Variants in PPP1R3A observed in about 807,000 individuals in gnomAD.
The protein encoded by PPP1R3A is RG1.
Under a neutral mutation model 41.7 loss-of-function variants are expected in PPP1R3A, and 29 were observed. The ratio of observed to expected loss-of-function variants is 0.70; its 90% CI spans 0.52 to 0.95. PPP1R3A has a LOEUF of 0.95. Among genes scored for constraint, PPP1R3A ranks in the 40% least tolerant of loss-of-function variants. The pLI is 0.00. For missense variants in PPP1R3A, 1,352 were observed against 1,292.4 expected (o/e 1.05, Z -0.71); for synonymous variants, 485 against 453.4 (o/e 1.07, Z -0.89).
intron 1 of PPP1R3A, among the ~76,000 whole-genome samples, chr7:113,903,043 C>A (rs1263741100): frequency 6.6e-6 from 1 of 151,602 alleles, no homozygotes; most frequent in African/African-American, 2.4e-5. Flanking sequence ...ATATTTTTTT[C>A]TTTAATGTTA....
intron 1 of PPP1R3A, among the ~76,000 whole-genome samples, chr7:113,912,413 A>G (rs1279678612): frequency 6.6e-6 from 1 of 152,084 alleles, no homozygotes; most frequent in Non-Finnish European, 1.5e-5. Context: ...ATATAAGCAT[A>G]CAACACACAC....
chr7:113,882,219 C>A (rs373894609), intron 2 of PPP1R3A, 43 bp downstream of exon 2: 13 of 1,581,296 alleles, frequency 8.2e-6, no homozygotes, highest in African/African-American at 1.4e-5. Flanking sequence ...TAGACTTTCA[C>A]AAAAGAGACA....
At chr7:113,902,099 G>GTCC (rs1797071129) in intron 1 of PPP1R3A, among the ~76,000 whole-genome samples, 1 of 151,658 alleles carries the variant, frequency 6.6e-6, no homozygotes, top group Admixed American at 6.6e-5. Context: ...TGGAATCTCT[G>GTCC]AGAACTCAGT....
chr7:113,911,021 C>G (rs1394953915), intron 1 of PPP1R3A, among the ~76,000 whole-genome samples: 1 of 152,034 alleles, frequency 6.6e-6, no homozygotes, highest in Non-Finnish European at 1.5e-5. Context: ...AAATTCAATT[C>G]ATAGTTGTGA....
chr7:113,900,661 A>G (rs1044775146), intron 1 of PPP1R3A, among the ~76,000 whole-genome samples: 1 of 148,654 alleles, frequency 6.7e-6, no homozygotes, highest in Non-Finnish European at 1.5e-5. Context: ...ATATTTACAT[A>G]TTATATATAG....
chr7:113,879,088 A>T lies in PPP1R3A; in HGVS notation c.2004T>A (p.Asn668Lys). ...VLESQGKSRE[N>K]KTNITEHIKG... is the part of the protein sequence containing the mutation. ...TGATATGCTCTGTTATGTTTGTCTT[A>T]TTCTCTCTTGATTTTCCCTGACTTT... The change falls in exon 4 of 4, where the codon AAT becomes AAA. Residue 668 changes from asparagine to lysine, a missense_variant. Physicochemically the swap from Asn to Lys is moderately conservative, Grantham distance 94. Coordinates refer to ENST00000284601, the MANE Select transcript of PPP1R3A (RefSeq NM_002711.4). 6.2e-7 allele frequency: 1 copy of T among 1,613,708 alleles called. No individual in the cohort carries two copies. The highest frequency in any genetic ancestry group is 1.1e-5 in the South Asian group (1 of 91,074).
At chr7:113,889,702 AAT>A (rs1255559730) in intron 1 of PPP1R3A, among the ~76,000 whole-genome samples, 2 of 152,302 alleles carry the variant, frequency 1.3e-5, no homozygotes, top group African/African-American at 4.8e-5. Flanking sequence ...ATAAGAAATG[AAT>A]GTTTTCCAGG....
chr7:113,902,155 G>A (rs925715536), intron 1 of PPP1R3A, among the ~76,000 whole-genome samples: 5 of 151,602 alleles, frequency 3.3e-5, no homozygotes, highest in Non-Finnish European at 5.9e-5. Context: ...TTAAGAGATG[G>A]AGTCTCACCT....
In PPP1R3A at chr7:113,878,486, A is replaced by G. The variant is rs748479771; in HGVS notation, c.2606T>C (p.Leu869Ser). ...TSKLDLQLGM[L>S]PTDKTVFSEN... ...TGAAAATACAGTTTTGTCTGTTGGT[A>G]ACATTCCCAACTGTAAATCCAGTTT... The change falls in exon 4 of 4, where the codon TTA becomes TCA. Residue 869 changes from leucine to serine, a missense_variant. Leu to Ser is a moderately radical substitution (Grantham distance 145). Coordinates refer to ENST00000284601, the MANE Select transcript of PPP1R3A (RefSeq NM_002711.4). The G allele has an allele frequency of 8.1e-6, 13 of 1,613,178 alleles. No individual in the cohort carries two copies. In the African/African-American group the frequency reaches 1.5e-4, roughly 18 times the overall value.
intron 1 of PPP1R3A, among the ~76,000 whole-genome samples, chr7:113,914,339 A>G (rs1050957667): frequency 9.2e-5 from 14 of 152,134 alleles, no homozygotes; most frequent in Non-Finnish European, 2.1e-4. Context: ...ATTAATATGC[A>G]TGTCTGTTCA....
chr7:113,881,798 T>A (rs2129113917), intron 3 of PPP1R3A, among the ~76,000 whole-genome samples: 1 of 152,110 alleles, frequency 6.6e-6, no homozygotes. Context: ...AAACTATTAC[T>A]CAGAGCCACT....
chr7:113,916,451 G>A (rs539226714), intron 1 of PPP1R3A, among the ~76,000 whole-genome samples: 1 of 152,036 alleles, frequency 6.6e-6, no homozygotes, highest in Non-Finnish European at 1.5e-5. Flanking sequence ...CCTATCAGTT[G>A]GCTAGTCTTT....
intron 1 of PPP1R3A, among the ~76,000 whole-genome samples, chr7:113,907,906 C>T (rs949362718): frequency 3.3e-5 from 5 of 151,610 alleles, no homozygotes; most frequent in Non-Finnish European, 4.4e-5. Context: ...TTAATTTCTT[C>T]GCCTATAAAT....
intron 1 of PPP1R3A, among the ~76,000 whole-genome samples, chr7:113,904,612 A>C (rs1797116493): frequency 6.6e-6 from 1 of 151,720 alleles, no homozygotes; most frequent in Non-Finnish European, 1.5e-5. Context: ...ATACAAAATT[A>C]AAAGAATAAA....
intron 1 of PPP1R3A, among the ~76,000 whole-genome samples, chr7:113,893,557 C>T (rs912365050): frequency 3.3e-5 from 5 of 151,842 alleles, no homozygotes; most frequent in Non-Finnish European, 1.5e-5. Flanking sequence ...AAAAATACAT[C>T]GAATATACCT....
chr7:113,900,722 G>GAT (rs1406405617), intron 1 of PPP1R3A, among the ~76,000 whole-genome samples: 3 of 147,338 alleles, frequency 2.0e-5, no homozygotes, highest in African/African-American at 7.4e-5. Flanking sequence ...TGCTATACAT[G>GAT]ATATATATAA....
chr7:113,881,706 G>A (rs1028981435), intron 3 of PPP1R3A, among the ~76,000 whole-genome samples: 1 of 151,944 alleles, frequency 6.6e-6, no homozygotes, highest in African/African-American at 2.4e-5. Flanking sequence ...TCATTTTATA[G>A]ACGAGTTTAT....
intron 1 of PPP1R3A, among the ~76,000 whole-genome samples, chr7:113,903,570 A>G (rs914826079): frequency 4.0e-5 from 6 of 151,776 alleles, no homozygotes; most frequent in Non-Finnish European, 7.4e-5. Flanking sequence ...AACATCATCA[A>G]TGCAAAACCT....
At chr7:113,903,019 C>T (rs1797090760) in intron 1 of PPP1R3A, among the ~76,000 whole-genome samples, 1 of 151,618 alleles carries the variant, frequency 6.6e-6, no homozygotes, top group South Asian at 2.1e-4. Flanking sequence ...AAGAGTTTTG[C>T]TGCTGATATT....
Sources: allele counts gnomAD v4.1 joint callset (sites outside exome capture counted in the v4.1 genomes callset), GRCh38; gene constraint gnomAD v4.1.1; transcripts MANE v1.5; gene names NCBI Gene and HGNC (gene_info 2026-07-23, HGNC 2026-07-21).